The following ARFGEF1 variants were observed in gnomAD, a reference collection of about 807,000 sequenced individuals.
The protein encoded by ARFGEF1 is ARF guanine nucleotide exchange factor 1, also known as brefeldin A-inhibited guanine nucleotide-exchange protein 1.
In ARFGEF1, 42 loss-of-function variants were observed where a neutral mutation model predicts 231.0. The observed-to-expected ratio is 0.18, with a 90% CI of 0.14 to 0.24. ARFGEF1 has a LOEUF of 0.24. Among genes scored for constraint, ARFGEF1 ranks in the 10% least tolerant of loss-of-function variants. ARFGEF1 has a pLI of 1.00. For missense variants in ARFGEF1, 1,345 were observed against 2,192.0 expected (o/e 0.61, Z 7.72); for synonymous variants, 710 against 732.3 (o/e 0.97, Z 0.49).
chr8:67,201,389 T>G (rs1244994865), intron 37 of ARFGEF1, 78 bp downstream of exon 37: 1 of 1,507,010 alleles, frequency 6.6e-7, no homozygotes, highest in Non-Finnish European at 8.9e-7. Flanking sequence ...GCTGTCAGCA[T>G]GGTCCCGCCG....
chr8:67,244,788 GAGAT>G (rs1420411680), intron 19 of ARFGEF1, among the ~76,000 whole-genome samples: 2 of 150,450 alleles, frequency 1.3e-5, no homozygotes, highest in East Asian at 3.9e-4. Flanking sequence ...GGCAGAGAAA[GAGAT>G]AGAGGTAGAA....
intron 22 of ARFGEF1, among the ~76,000 whole-genome samples, chr8:67,234,952 A>G (rs1839670103): frequency 1.3e-5 from 2 of 151,584 alleles, no homozygotes; most frequent in Admixed American, 1.3e-4. Flanking sequence ...TACAAAGAAA[A>G]ACCTATGAGA....
rs1252641488 is a variant in ARFGEF1, at chr8:67,326,719, A to AT, written c.124+16444dup. Among the ~76,000 whole-genome samples, 4 of 152,136 alleles carry AT rather than the reference A, an allele frequency of 2.6e-5. No homozygotes were observed. The East Asian group carries it at 5.8e-4, about 22-fold the overall frequency. ...AGCAAAATTATGTATAACAAAATCAATTTTTTCTAATCAACCTTATAATGA... is the reference window on the plus strand; with the variant it reads ...AGCAAAATTATGTATAACAAAATCAATTTTTTTCTAATCAACCTTATAATGA... On this transcript the variant is annotated intron_variant, in intron 1 of 38. Coordinates refer to ENST00000262215, the MANE Select transcript of ARFGEF1 (RefSeq NM_006421.5).
At chr8:67,177,845 G>A (rs1832057505) in intron 5 of ARFGEF1, 1 of 767,016 alleles carries the variant, frequency 1.3e-6, no homozygotes, top group Non-Finnish European at 2.4e-6. Flanking sequence ...AAGAACGTAA[G>A]TCTTATCAGT....
chr8:67,179,758 C>A (rs1234789875), intron 5 of ARFGEF1: 2 of 744,146 alleles, frequency 2.7e-6, no homozygotes, highest in African/African-American at 3.5e-5. Context: ...CCATCCTCTG[C>A]TTTTAGGGAG....
In ARFGEF1 at chr8:67,203,324, C is replaced by T. The variant is rs2129577331; in HGVS notation, c.4960-73G>A. The T allele has an allele frequency of 2.0e-6, 3 of 1,512,668 alleles. No homozygotes were observed. The South Asian group carries it at 3.7e-5, about 19-fold the overall frequency. The allele number at this position is 1,512,668 out of a possible 1,614,324, so 93.7% of individuals were successfully genotyped here. ...TTACTTGATTTACAACTCAATGCTC[C>T]CCAAAGACCAGTTTTACAAGAAAGC... On this transcript the variant is annotated intron_variant, in intron 35 of 38. Transcript: ENST00000262215.
At chr8:67,197,556 C>A, downstream of ARFGEF1, 1 of 910,056 alleles carries the variant, frequency 1.1e-6, no homozygotes, top group Non-Finnish European at 1.3e-6. Flanking sequence ...ATACCAGAAC[C>A]AAACAATATT....
chr8:67,258,888 C>T (rs1840553302), intron 15 of ARFGEF1, among the ~76,000 whole-genome samples: 4 of 151,184 alleles, frequency 2.6e-5, no homozygotes, highest in South Asian at 2.1e-4. Flanking sequence ...GGGATTGGTT[C>T]CAGGACCCTG....
At chr8:67,271,571 A>C (rs1805102080) in intron 10 of ARFGEF1, 131 bp downstream of exon 10, 1 of 713,992 alleles carries the variant, frequency 1.4e-6, no homozygotes. Context: ...AGGTGAATGA[A>C]AAAAAATAAG....
At chr8:67,284,739 C>T (rs1395403681) in intron 7 of ARFGEF1, among the ~76,000 whole-genome samples, 1 of 152,076 alleles carries the variant, frequency 6.6e-6, no homozygotes, top group Non-Finnish European at 1.5e-5. Flanking sequence ...TGTATGTTTC[C>T]CTCTCTATCC....
chr8:67,309,940 T>C (rs1045003701), intron 1 of ARFGEF1, among the ~76,000 whole-genome samples: 1 of 152,224 alleles, frequency 6.6e-6, no homozygotes, highest in Admixed American at 6.5e-5. Context: ...ATCATAATAC[T>C]AGTCATAAGC....
chr8:67,200,655 G>T, intron 37 of ARFGEF1, 142 bp from the exon 38 acceptor site: 1 of 613,586 alleles, frequency 1.6e-6, no homozygotes. Context: ...ATTAGCTGGA[G>T]TGTCAACATA....
intron 8 of ARFGEF1, among the ~76,000 whole-genome samples, chr8:67,276,809 G>A (rs1187584869): frequency 6.6e-6 from 1 of 152,092 alleles, no homozygotes; most frequent in African/African-American, 2.4e-5. Flanking sequence ...TGGACTGTCT[G>A]CATTATACCG....
intron 1 of ARFGEF1, among the ~76,000 whole-genome samples, chr8:67,330,245 T>C (rs919261759): frequency 2.6e-5 from 4 of 152,110 alleles, no homozygotes; most frequent in African/African-American, 9.6e-5. Context: ...ATTTAACTAT[T>C]TCATAAGGAA....
At chr8:67,318,231 C>T (rs1282829495) in intron 1 of ARFGEF1, among the ~76,000 whole-genome samples, 2 of 134,166 alleles carry the variant, frequency 1.5e-5, no homozygotes, top group East Asian at 2.3e-4. Context: ...AGCCAGACTC[C>T]GTCTCAAGAA....
At chr8:67,257,654 A>G (rs1840504039) in intron 17 of ARFGEF1, 78 bp downstream of exon 17, 1 of 1,177,548 alleles carries the variant, frequency 8.5e-7, no homozygotes, top group Non-Finnish European at 1.2e-6. Context: ...CTAAAATTTC[A>G]ACTATTACTT....
chr8:67,343,108 C>CCCCCCCCCCCCCCCCCCAACAAACA, intron 1 of ARFGEF1, 56 bp downstream of exon 1: 1 of 315,160 alleles, frequency 3.2e-6, no homozygotes. Context: ...CCCACAGGCG[C>CCCCCCCCCCCCCCCCCCAACAAACA]CCCCCTCCCC....
intron 1 of ARFGEF1, among the ~76,000 whole-genome samples, chr8:67,336,692 T>C (rs888275889): frequency 2.6e-5 from 4 of 152,172 alleles, no homozygotes; most frequent in African/African-American, 9.7e-5. Context: ...ATTCACTGGA[T>C]TTAGGGCCCA....
intron 5 of ARFGEF1, among the ~76,000 whole-genome samples, chr8:67,185,240 T>G (rs1834256394): frequency 6.6e-6 from 1 of 152,182 alleles, no homozygotes; most frequent in South Asian, 2.1e-4. Context: ...CTTTCCCACC[T>G]AAGTGCATGC....
Sources: allele counts gnomAD v4.1 joint callset (sites outside exome capture counted in the v4.1 genomes callset), GRCh38; gene constraint gnomAD v4.1.1; transcripts MANE v1.5; gene names NCBI Gene and HGNC (gene_info 2026-07-23, HGNC 2026-07-21).